Variants in ZNF44 observed in about 807,000 individuals in gnomAD.
ZNF44 encodes zinc finger protein 44.
Under a neutral mutation model 11.7 loss-of-function variants are expected in ZNF44, and 9 were observed. That is an observed-to-expected ratio of 0.77 (90% CI 0.46 to 1.35). The LOEUF is 1.35. ZNF44 is among the 40% of genes most tolerant of loss of function. ZNF44 has a pLI of 0.00. For missense variants in ZNF44, 696 were observed against 743.1 expected (o/e 0.94, Z 0.74); for synonymous variants, 224 against 242.7 (o/e 0.92, Z 0.72).
intron 3 of ZNF44, among the ~76,000 whole-genome samples, chr19:12,229,813 C>T (rs1057498054): frequency 6.6e-5 from 10 of 151,954 alleles, no homozygotes; most frequent in Admixed American, 4.6e-4. Context: ...GGAGTTTCAC[C>T]GTGTTAGCCA....
downstream of ZNF44, among the ~76,000 whole-genome samples, chr19:12,246,581 T>A (rs1916773070): frequency 6.6e-6 from 1 of 152,226 alleles, no homozygotes; most frequent in South Asian, 2.1e-4. Flanking sequence ...TTAAGGAATT[T>A]TATTTAAAAA....
At chr19:12,255,898 T>C (rs1276923732) in intron 5 of ZNF44, among the ~76,000 whole-genome samples, 4 of 151,754 alleles carry the variant, frequency 2.6e-5, no homozygotes, top group African/African-American at 7.3e-5. Context: ...TAGCCAGGCG[T>C]GGTGACACGT....
intron 5 of ZNF44, among the ~76,000 whole-genome samples, chr19:12,251,943 A>G (rs776985247): frequency 2.2e-4 from 33 of 151,348 alleles, no homozygotes; most frequent in Non-Finnish European, 3.1e-4. Context: ...CCCAGCTACT[A>G]GGGAGGCTGA....
downstream of ZNF44, among the ~76,000 whole-genome samples, chr19:12,245,433 G>T (rs568401176): frequency 6.6e-6 from 1 of 152,286 alleles, no homozygotes; most frequent in South Asian, 2.1e-4. Context: ...TTGAGAATGT[G>T]CACATGATCA....
chr19:12,260,641 CAGGT>C, intron 5 of ZNF44: 1 of 610,142 alleles, frequency 1.6e-6, no homozygotes, highest in Non-Finnish European at 2.9e-6. Flanking sequence ...AACAAAAACA[CAGGT>C]AGGTCCTTGC....
intron 2 of ZNF44, among the ~76,000 whole-genome samples, chr19:12,232,902 G>A (rs1005106752): frequency 1.3e-5 from 2 of 152,096 alleles, no homozygotes; most frequent in African/African-American, 4.8e-5. Flanking sequence ...ACAAAGCTGA[G>A]CCACTTCCCC....
intron 5 of ZNF44, among the ~76,000 whole-genome samples, chr19:12,265,418 G>T (rs1350015074): frequency 6.6e-6 from 1 of 152,136 alleles, no homozygotes; most frequent in Non-Finnish European, 1.5e-5. Flanking sequence ...TGTAATACTG[G>T]ATTTCTTTTT....
chr19:12,234,568 C>G (rs1916302672), intron 2 of ZNF44: 1 of 152,206 alleles, frequency 6.6e-6, no homozygotes, highest in Non-Finnish European at 1.5e-5. Flanking sequence ...ATCAATTCAT[C>G]AAAATACCTC....
At chr19:12,275,898 G>A (rs1228847905) in intron 2 of ZNF44, 58 bp downstream of exon 2, 3 of 1,521,570 alleles carry the variant, frequency 2.0e-6, no homozygotes, top group African/African-American at 1.4e-5. Flanking sequence ...GAACAGCATT[G>A]ATGACCACAA....
At chr19:12,278,295 T>A (rs963267222) in intron 1 of ZNF44, among the ~76,000 whole-genome samples, 1 of 152,246 alleles carries the variant, frequency 6.6e-6, no homozygotes, top group African/African-American at 2.4e-5. Flanking sequence ...TTTTAGTTAG[T>A]CTATAATCTA....
chr19:12,248,393 A>G (rs1367341770), exon 8 of ZNF44: 1 of 1,291,022 alleles, frequency 7.7e-7, no homozygotes, highest in Non-Finnish European at 1.0e-6. Context: ...GTGTTCTTTT[A>G]TGTTTTTTAA....
At chr19:12,280,080 G>A (rs61467005) in intron 1 of ZNF44, among the ~76,000 whole-genome samples, 27,648 of 151,864 alleles carry the variant, frequency 0.18, 2,599 homozygotes, top group East Asian at 0.27. Context: ...TTAGCTGGGC[G>A]TGGTGGTGCA....
At chr19:12,255,903 A>G (rs1168147881) in intron 5 of ZNF44, among the ~76,000 whole-genome samples, 1 of 151,768 alleles carries the variant, frequency 6.6e-6, no homozygotes. Context: ...AGGCGTGGTG[A>G]CACGTGCCTG....
chr19:12,248,463 T>C, exon 8 of ZNF44: 2 of 1,290,952 alleles, frequency 1.5e-6, no homozygotes, highest in Non-Finnish European at 2.0e-6. Flanking sequence ...CTTCTCTCCA[T>C]ATTCCTGACA....
chr19:12,283,700 T>C (rs1304275467), intron 1 of ZNF44, among the ~76,000 whole-genome samples: 2 of 152,160 alleles, frequency 1.3e-5, no homozygotes, highest in Non-Finnish European at 2.9e-5. Context: ...AAAGGAGAAG[T>C]CTGGTAAATT....
Position 12,261,597 on chromosome 19 carries a change from C to A in ZNF44, c.1912+10890G>T, listed in dbSNP as rs528323699. On this transcript the variant is annotated intron_variant and NMD_transcript_variant, in intron 5 of 7. Coordinates refer to the ZNF44 transcript ENST00000393337. Reference sequence around the variant, plus strand: ...AGAGCTATGATTGCACTACTGCACTCCAGCCTGGATGACAGAGCAAGACCA... The same window carrying A: ...AGAGCTATGATTGCACTACTGCACTACAGCCTGGATGACAGAGCAAGACCA... Among the ~76,000 whole-genome samples, 6 of 152,292 alleles carry A rather than the reference C, an allele frequency of 3.9e-5. No individual in the cohort carries two copies. In the South Asian group the frequency reaches 1.2e-3, roughly 32 times the overall value.
chr19:12,262,831 T>C (rs745356853), intron 5 of ZNF44, among the ~76,000 whole-genome samples: 2 of 152,116 alleles, frequency 1.3e-5, no homozygotes, highest in African/African-American at 2.4e-5. Flanking sequence ...AATTACAAAA[T>C]GCTAAGGGAA....
chr19:12,258,042 G>C (rs544652868), intron 5 of ZNF44, among the ~76,000 whole-genome samples: 1 of 150,738 alleles, frequency 6.6e-6, no homozygotes, highest in African/African-American at 2.4e-5. Context: ...AGAAATACTC[G>C]GCCAAGTGCA....
At chr19:12,246,774 C>T (rs953979435), downstream of ZNF44, among the ~76,000 whole-genome samples, 11 of 151,774 alleles carry the variant, frequency 7.2e-5, no homozygotes, top group Admixed American at 7.2e-4. Flanking sequence ...ATCTGTAGTC[C>T]CAGCTGCTCA....
Sources: allele counts gnomAD v4.1 joint callset (sites outside exome capture counted in the v4.1 genomes callset), GRCh38; gene constraint gnomAD v4.1.1; transcripts MANE v1.5; gene names NCBI Gene and HGNC (gene_info 2026-07-23, HGNC 2026-07-21).